MS4A18: variants seen among roughly 807,000 people sequenced by gnomAD.
MS4A18 encodes membrane spanning 4-domains A18.
A neutral mutation model predicts 13.1 loss-of-function variants in MS4A18; 27 were observed. The ratio of observed to expected loss-of-function variants is 2.06; its 90% CI spans 1.52 to 2.84. MS4A18 has a LOEUF of 2.84. Ranked by LOEUF, MS4A18 falls within the 30% of genes most tolerant of loss-of-function variation. The pLI, the probability that MS4A18 is intolerant of heterozygous loss-of-function variation, is 0.00. For missense variants in MS4A18, 307 were observed against 196.4 expected (o/e 1.56, Z -3.37); for synonymous variants, 126 against 76.5 (o/e 1.65, Z -3.38).
rs1215768828 is a variant in MS4A18 at position 60,731,215 on chromosome 11, G to A, written c.477+1423G>A. ...GATATTGCGTAGTAATTATCATCTT[G>A]TATTACAATGACTATCATTATTATT... On this transcript the variant is annotated intron_variant, in intron 1 of 5. Coordinates refer to ENST00000529108, the Ensembl canonical transcript of MS4A18. Among the ~76,000 whole-genome samples, 9 of 152,308 alleles carry A rather than the reference G, an allele frequency of 5.9e-5. No individual in the cohort carries two copies. The East Asian group carries it at 1.3e-3, about 23-fold the overall frequency.
chr11:60,725,394 C>T (rs1044600518), upstream of MS4A18, among the ~76,000 whole-genome samples: 7 of 152,132 alleles, frequency 4.6e-5, no homozygotes, highest in Non-Finnish European at 1.0e-4. Context: ...CAGGGTTTCA[C>T]CGTGTTAACC....
chr11:60,732,687 C>T lies in MS4A18; in HGVS notation c.478-847C>T, dbSNP rs371153901. Among the ~76,000 whole-genome samples, 3 of 148,986 alleles carry T rather than the reference C, an allele frequency of 2.0e-5. No homozygotes were observed. In the East Asian group the frequency reaches 5.9e-4, roughly 29 times the overall value. ...CACAGCTTGCAGTGAGCCAAGATCA[C>T]GCCATTGCACTCCAGCCTGGGCGAC... On this transcript the variant is annotated intron_variant, in intron 1 of 5. Coordinates refer to ENST00000529108, the Ensembl canonical transcript of MS4A18.
At chr11:60,732,018 A>T (rs745480421) in intron 1 of MS4A18, among the ~76,000 whole-genome samples, 5 of 152,086 alleles carry the variant, frequency 3.3e-5, no homozygotes, top group African/African-American at 4.8e-5. Flanking sequence ...GTTCATGTGA[A>T]ACCCAGGTCT....
exon 6 of MS4A18, chr11:60,744,086 C>T (rs1220462051): frequency 3.1e-6 from 2 of 641,482 alleles, no homozygotes; most frequent in Admixed American, 4.4e-5. Context: ...CTGAAACTTC[C>T]ATGACCATGA....
chr11:60,729,901 G>A (rs1280264586), intron 1 of MS4A18, 115 bp downstream of exon 2: 4 of 605,306 alleles, frequency 6.6e-6, no homozygotes, highest in East Asian at 2.7e-5. Flanking sequence ...GAGTGGGTGT[G>A]GGGGGCAGTT....
intron 2 of MS4A18, among the ~76,000 whole-genome samples, chr11:60,736,614 G>A (rs984463948): frequency 5.9e-5 from 9 of 152,102 alleles, no homozygotes; most frequent in African/African-American, 1.2e-4. Context: ...ATAGGGCAGC[G>A]GAGGCCAAAT....
chr11:60,737,953 C>T (rs1853365365), intron 3 of MS4A18, among the ~76,000 whole-genome samples: 1 of 152,222 alleles, frequency 6.6e-6, no homozygotes, highest in African/African-American at 2.4e-5. Flanking sequence ...GCTCACACCA[C>T]CTGTTCATAT....
At chr11:60,743,628 C>A in intron 5 of MS4A18, 22 bp from the exon 7 acceptor site, 1 of 699,424 alleles carries the variant, frequency 1.4e-6, no homozygotes, top group Non-Finnish European at 2.6e-6. Context: ...AAGATGACGA[C>A]CACATGTCCT....
intron 1 of MS4A18, among the ~76,000 whole-genome samples, chr11:60,730,138 T>C (rs1163712227): frequency 6.6e-6 from 1 of 152,260 alleles, no homozygotes; most frequent in Non-Finnish European, 1.5e-5. Context: ...CTAGATTTGC[T>C]GAGTGGCCTT....
At chr11:60,727,774 T>C (rs76309409), upstream of MS4A18, among the ~76,000 whole-genome samples, 5,331 of 152,288 alleles carry the variant, frequency 0.035, 297 homozygotes, top group African/African-American at 0.12. Context: ...ATCTCTCATC[T>C]GAATGGGATA....
Position 60,741,765 on chromosome 11 carries a change from C to T in MS4A18, c.858+622C>T, listed in dbSNP as rs933554930. ...TGGCCACAAATTACTCACAGCTGTC[C>T]AAGATGCAAAGTATGCTCAACCCAT... On this transcript the variant is annotated intron_variant, in intron 5 of 5. Coordinates refer to ENST00000529108, the Ensembl canonical transcript of MS4A18. 3.9e-5 allele frequency among the ~76,000 whole-genome samples: 6 copies of T among 152,258 alleles called. No homozygotes were observed. In the East Asian group the frequency reaches 7.7e-4, roughly 20 times the overall value.
chr11:60,738,389 C>T (rs1853372277), intron 3 of MS4A18, among the ~76,000 whole-genome samples: 1 of 152,222 alleles, frequency 6.6e-6, no homozygotes, highest in Non-Finnish European at 1.5e-5. Flanking sequence ...TCCCTTCCCT[C>T]AATTCAAGCT....
At chr11:60,734,747 G>T (rs1853309658) in intron 2 of MS4A18, among the ~76,000 whole-genome samples, 1 of 151,070 alleles carries the variant, frequency 6.6e-6, no homozygotes, top group African/African-American at 2.4e-5. Flanking sequence ...GGGGTGGCTG[G>T]TTGCACAACA....
rs1204342147 is a variant in MS4A18, at chr11:60,741,118, A to C, written c.833A>C (p.Gln278Pro). 5.7e-6 allele frequency: 4 copies of C among 702,906 alleles called. No homozygotes were observed. The African/African-American group carries it at 7.0e-5, about 12-fold the overall frequency. 43.5% of individuals were successfully genotyped at this position (702,906 alleles called of 1,614,324 possible). A position where few individuals can be genotyped will look rare whatever the true frequency, so the allele number is the denominator to read the frequency against. ...TGTGTGGTCTCACATTTTGGGTGCC[A>C]GGCTACCTGCTGCAGACAATTTGAG... is the stretch of plus-strand genomic sequence containing the variant. The change falls in exon 5 of 6, where the codon CAG becomes CCG. Residue 278 changes from glutamine (Q) to proline (P), a missense_variant. By Grantham distance (76) the Gln-to-Pro change is moderately conservative. Coordinates refer to ENST00000529108, the Ensembl canonical transcript of MS4A18.
chr11:60,741,905 AC>A (rs1300359354), intron 5 of MS4A18, among the ~76,000 whole-genome samples: 3 of 152,182 alleles, frequency 2.0e-5, no homozygotes, highest in South Asian at 2.1e-4. Context: ...TGATCCAGAA[AC>A]CATGAACTAA....
chr11:60,728,068 C>T (rs1853190616), upstream of MS4A18, among the ~76,000 whole-genome samples: 1 of 152,110 alleles, frequency 6.6e-6, no homozygotes, highest in Admixed American at 6.5e-5. Flanking sequence ...GAAAATGCAA[C>T]AAAATTTCTA....
At chr11:60,731,908 C>T (rs1050672155) in intron 1 of MS4A18, among the ~76,000 whole-genome samples, 121 of 152,246 alleles carry the variant, frequency 7.9e-4, no homozygotes, top group African/African-American at 2.7e-3. Flanking sequence ...GTGCTGGCAG[C>T]GAGCGGCACT....
upstream of MS4A18, among the ~76,000 whole-genome samples, chr11:60,725,510 G>A (rs1008270598): frequency 6.6e-6 from 1 of 152,064 alleles, no homozygotes; most frequent in Admixed American, 6.5e-5. Context: ...TTTCCTGACG[G>A]GAGGTAGAAT....
At chr11:60,742,597 A>C (rs1433151835) in intron 5 of MS4A18, among the ~76,000 whole-genome samples, 1 of 152,212 alleles carries the variant, frequency 6.6e-6, no homozygotes, top group Non-Finnish European at 1.5e-5. Context: ...AGCACTGATT[A>C]AGCCTTTCAA....
Sources: allele counts gnomAD v4.1 joint callset (sites outside exome capture counted in the v4.1 genomes callset), GRCh38; gene constraint gnomAD v4.1.1; transcripts MANE v1.5; gene names NCBI Gene and HGNC (gene_info 2026-07-23, HGNC 2026-07-21).